The following TET1 variants were observed in gnomAD, a reference collection of about 807,000 sequenced individuals.
The protein encoded by TET1 is tet methylcytosine dioxygenase 1, also known as methylcytosine dioxygenase TET1.
In TET1, 13 loss-of-function variants were observed where a neutral mutation model predicts 148.7. The observed-to-expected ratio is 0.09, with a 90% CI of 0.06 to 0.14. The LOEUF is 0.14. Among genes scored for constraint, TET1 ranks in the 10% least tolerant of loss-of-function variants. The pLI is 1.00. For missense variants in TET1, 2,182 were observed against 2,553.8 expected (o/e 0.85, Z 3.14); for synonymous variants, 907 against 937.2 (o/e 0.97, Z 0.59).
chr10:68,639,466 C>CTATTATTAT (rs76248128), intron 3 of TET1, among the ~76,000 whole-genome samples: 52 of 113,162 alleles, frequency 4.6e-4, no homozygotes, highest in African/African-American at 8.9e-4. Context: ...ACTACTACTA[C>CTATTATTAT]TATTATTATT....
At chr10:68,628,603 G>T (rs565337269) in intron 3 of TET1, among the ~76,000 whole-genome samples, 1 of 152,108 alleles carries the variant, frequency 6.6e-6, no homozygotes, top group African/African-American at 2.4e-5. Flanking sequence ...GTAAAGGGAG[G>T]GGTGCTTAGT....
intron 2 of TET1, among the ~76,000 whole-genome samples, chr10:68,588,986 G>C (rs933565828): frequency 2.6e-5 from 4 of 152,002 alleles, no homozygotes; most frequent in African/African-American, 9.7e-5. Flanking sequence ...AGCTGGGCAT[G>C]GTGGTGAGTG....
At chr10:68,665,499 C>T (rs971273061) in intron 6 of TET1, among the ~76,000 whole-genome samples, 4 of 152,024 alleles carry the variant, frequency 2.6e-5, no homozygotes, top group African/African-American at 9.7e-5. Context: ...GTTTATGGAG[C>T]TCAGATTTGA....
rs370380259 is a variant in TET1, at chr10:68,672,820, A to G, written c.4674-75A>G. On this transcript the variant is annotated intron_variant, in intron 7 of 11. Coordinates refer to ENST00000373644, the MANE Select transcript of TET1 (RefSeq NM_030625.3). ...TTTAGGCATCCATCCTTCTAAAGCT[A>G]TAGAAACCTGAAATGTTCTCTCTGA... 52 of 1,364,742 alleles carry G rather than the reference A, an allele frequency of 3.8e-5. No individual in the cohort carries two copies. The East Asian group carries it at 8.8e-4, about 23-fold the overall frequency. 84.5% of individuals were successfully genotyped at this position (1,364,742 alleles called of 1,614,324 possible). A position where few individuals can be genotyped will look rare whatever the true frequency, so the allele number is the denominator to read the frequency against.
chr10:68,584,821 A>G (rs974154304), intron 2 of TET1, among the ~76,000 whole-genome samples: 2 of 146,418 alleles, frequency 1.4e-5, no homozygotes, highest in African/African-American at 2.5e-5. Flanking sequence ...TATTCTACAC[A>G]TATCTCTTTT....
intron 2 of TET1, among the ~76,000 whole-genome samples, chr10:68,592,189 G>A (rs772597113): frequency 5.3e-5 from 8 of 151,644 alleles, no homozygotes; most frequent in Non-Finnish European, 7.4e-5. Flanking sequence ...GGTGGCGGGC[G>A]CCTGTAATCC....
rs1564975214 is a variant in TET1 at position 68,624,683 on chromosome 10, TCTC to T, written c.1969-20014_1969-20012del. On this transcript the variant is annotated intron_variant, in intron 3 of 11. Coordinates refer to ENST00000373644, the MANE Select transcript of TET1 (RefSeq NM_030625.3). ...TTCTCTCTCTCTCTCTCTCTCTCTC[TCTC>T]TCTCTCTCTCTTTCTTTCTTTTCCT... Among the ~76,000 whole-genome samples, 38 of 131,560 alleles carry T rather than the reference TCTC, an allele frequency of 2.9e-4. 1 individual carries two copies. The highest frequency in any genetic ancestry group is 9.1e-4 in the African/African-American group (32 of 35,080). The allele number at this position is 131,560 out of a possible 152,430, so 86.3% of individuals were successfully genotyped here. A position where few individuals can be genotyped will look rare whatever the true frequency, so the allele number is the denominator to read the frequency against.
chr10:68,597,030 A>ATTTTTTTTTTT lies in TET1; in HGVS notation c.1915-3940_1915-3930dup, dbSNP rs553591899. ...ATTTTCATGATCACACAGCTAATGG[A>ATTTTTTTTTTT]TTTTTTTTTTTTTTTTTTTTTGAGA... On this transcript the variant is annotated intron_variant, in intron 2 of 11. Coordinates refer to ENST00000373644, the MANE Select transcript of TET1 (RefSeq NM_030625.3). Among the ~76,000 whole-genome samples the ATTTTTTTTTTT allele has an allele frequency of 7.6e-3, 749 of 98,790 alleles. 99 individuals carry two copies. The highest frequency in any genetic ancestry group is 0.029 in the African/African-American group (651 of 22,510). The allele number at this position is 98,790 out of a possible 152,430, so 64.8% of individuals were successfully genotyped here. A position where few individuals can be genotyped will look rare whatever the true frequency, so the allele number is the denominator to read the frequency against.
intron 2 of TET1, among the ~76,000 whole-genome samples, chr10:68,575,872 T>C (rs1157606038): frequency 6.7e-6 from 1 of 150,240 alleles, no homozygotes; most frequent in African/African-American, 2.5e-5. Context: ...ATACAAAAAT[T>C]AGCCGGGCGT....
At chr10:68,561,958 A>C (rs113599705) in intron 1 of TET1, among the ~76,000 whole-genome samples, 2,767 of 152,082 alleles carry the variant, frequency 0.018, 44 homozygotes, top group Middle Eastern at 0.041. Context: ...CTTTCTGCAT[A>C]CGTCTCTTAG....
intron 11 of TET1, among the ~76,000 whole-genome samples, chr10:68,687,536 A>G (rs1416812606): frequency 6.6e-6 from 1 of 152,072 alleles, no homozygotes; most frequent in African/African-American, 2.4e-5. Flanking sequence ...CACTTTCAAC[A>G]GTGGTATTGT....
intron 7 of TET1, among the ~76,000 whole-genome samples, chr10:68,667,611 G>C (rs1326463893): frequency 6.6e-6 from 1 of 152,004 alleles, no homozygotes; most frequent in Non-Finnish European, 1.5e-5. Context: ...GGGCGTGGTG[G>C]CGGGCGCCTA....
chr10:68,691,078 A>G lies in TET1; in HGVS notation c.5675A>G (p.Asn1892Ser), dbSNP rs760471820. Residue 1892 changes from asparagine (N) to serine (S), a missense_variant, in exon 12 of 12, where the codon AAT becomes AGT. Physicochemically the swap from Asn to Ser is conservative, Grantham distance 46. This residue lies in a region of TET1 where 380 missense variants were observed against 387.9 expected (regional missense o/e 0.98). Transcript: ENST00000373644. This position sits in a 1 kb window ranked among gnomAD's most constrained non-coding sequence, Gnocchi z 4.4. ...CCTTCGGGAAGACTCAGTGGTGCCAATGCAGCTGCTGCTGATGGCCCTGGC... is the reference window on the plus strand; with the variant it reads ...CCTTCGGGAAGACTCAGTGGTGCCAGTGCAGCTGCTGCTGATGGCCCTGGC... Reference protein sequence around the residue: ...TMPSGRLSGANAAAADGPGIS... With the variant: ...TMPSGRLSGASAAAADGPGIS... The G allele has an allele frequency of 5.0e-6, 8 of 1,614,180 alleles. No homozygotes were observed. Among genetic ancestry groups the G allele is most frequent in the Admixed American group, 1.7e-5 (1 of 60,022 alleles).
intron 3 of TET1, among the ~76,000 whole-genome samples, chr10:68,602,529 C>A (rs1170567188): frequency 6.6e-6 from 1 of 152,166 alleles, no homozygotes; most frequent in African/African-American, 2.4e-5. Flanking sequence ...TATGTCTTCC[C>A]CTGCCTTGGC....
intron 3 of TET1, among the ~76,000 whole-genome samples, chr10:68,634,074 G>A (rs923309440): frequency 2.0e-5 from 3 of 152,090 alleles, no homozygotes; most frequent in East Asian, 1.9e-4. Context: ...TTGTAGATAC[G>A]GGGTTTCACC....
chr10:68,626,089 C>CAAAAAA (rs768111191), intron 3 of TET1, among the ~76,000 whole-genome samples: 2,237 of 33,736 alleles, frequency 0.066, 51 homozygotes, highest in Non-Finnish European at 0.08. Context: ...GACCCTATCT[C>CAAAAAA]AAAAAAAAGA....
chr10:68,651,770 A>T (rs2054939203), intron 4 of TET1, 76 bp from the exon 5 acceptor site: 1 of 1,056,734 alleles, frequency 9.5e-7, no homozygotes, highest in Admixed American at 2.6e-5. Context: ...GGGAACAAAA[A>T]GTATAAAAGT....
chr10:68,619,648 T>G (rs2054341734), intron 3 of TET1, among the ~76,000 whole-genome samples: 1 of 152,186 alleles, frequency 6.6e-6, no homozygotes, highest in Admixed American at 6.6e-5. Context: ...GGAAAATTAA[T>G]CTAATTAACA....
intron 7 of TET1, among the ~76,000 whole-genome samples, chr10:68,667,782 TGC>T (rs2055214533): frequency 1.3e-5 from 2 of 151,748 alleles, no homozygotes; most frequent in African/African-American, 2.4e-5. Context: ...ATTATTTCAT[TGC>T]TTCCCAAAAA....
Sources: allele counts gnomAD v4.1 joint callset (sites outside exome capture counted in the v4.1 genomes callset), GRCh38; gene constraint gnomAD v4.1.1; regional missense constraint gnomAD v4.1.1; non-coding constraint Gnocchi (gnomAD v3.1); transcripts MANE v1.5; gene names NCBI Gene and HGNC (gene_info 2026-07-23, HGNC 2026-07-21).